The following FAM171A1 variants were observed in gnomAD, a reference collection of about 807,000 sequenced individuals.
FAM171A1 encodes family with sequence similarity 171 member A1, also known as protein FAM171A1.
In FAM171A1, 23 loss-of-function variants were observed where a neutral mutation model predicts 74.9. That is an observed-to-expected ratio of 0.31 (90% CI 0.22 to 0.44). FAM171A1 has a LOEUF of 0.44. FAM171A1 is among the 20% of genes least tolerant of loss of function. FAM171A1 has a pLI of 1.00. For missense variants in FAM171A1, 1,162 were observed against 1,159.2 expected (o/e 1.00, Z -0.03); for synonymous variants, 527 against 505.7 (o/e 1.04, Z -0.57).
intron 3 of FAM171A1, among the ~76,000 whole-genome samples, chr10:15,275,125 A>G (rs1001278896): frequency 6.6e-6 from 1 of 152,094 alleles, no homozygotes. Context: ...GTGGGGAGGG[A>G]TAGCATTAGG....
At chr10:15,364,560 G>C (rs1836036203) in intron 1 of FAM171A1, among the ~76,000 whole-genome samples, 1 of 152,202 alleles carries the variant, frequency 6.6e-6, no homozygotes, top group South Asian at 2.1e-4. Flanking sequence ...TAGGGTCTGT[G>C]TTAGTTCCCT....
chr10:15,219,126 A>G (rs1834003829), intron 6 of FAM171A1, among the ~76,000 whole-genome samples: 1 of 152,144 alleles, frequency 6.6e-6, no homozygotes, highest in Non-Finnish European at 1.5e-5. Flanking sequence ...CCACTAAAAT[A>G]CAAAAATTAG....
chr10:15,290,482 C>T (rs1835090064), intron 1 of FAM171A1, among the ~76,000 whole-genome samples: 1 of 152,180 alleles, frequency 6.6e-6, no homozygotes. Context: ...CCCTGAAGCT[C>T]TCCAGACACA....
At chr10:15,215,007 C>T (rs982134095) in intron 7 of FAM171A1, among the ~76,000 whole-genome samples, 2 of 151,824 alleles carry the variant, frequency 1.3e-5, no homozygotes, top group African/African-American at 2.4e-5. Context: ...AGCAATCCTC[C>T]CCCTTCAGCC....
intron 1 of FAM171A1, among the ~76,000 whole-genome samples, chr10:15,353,942 C>T (rs1183280929): frequency 6.6e-6 from 1 of 152,220 alleles, no homozygotes; most frequent in Non-Finnish European, 1.5e-5. Context: ...TTCAATCAGG[C>T]CGTGGGCATG....
At chr10:15,230,142 C>A (rs571859348) in intron 5 of FAM171A1, among the ~76,000 whole-genome samples, 7 of 152,274 alleles carry the variant, frequency 4.6e-5, no homozygotes, top group Middle Eastern at 3.4e-3. Flanking sequence ...ACATTAAAAT[C>A]AAATAAAAAG....
chr10:15,285,698 G>A (rs1021240007), intron 1 of FAM171A1, among the ~76,000 whole-genome samples: 2 of 152,196 alleles, frequency 1.3e-5, no homozygotes, highest in Non-Finnish European at 2.9e-5. Context: ...CATGCTTTTT[G>A]AGCTGCCTCT....
intron 5 of FAM171A1, among the ~76,000 whole-genome samples, chr10:15,229,691 CA>C (rs1413479497): frequency 2.1e-4 from 29 of 139,316 alleles, no homozygotes; most frequent in Non-Finnish European, 3.2e-4. Flanking sequence ...TCACCATCAC[CA>C]CCATCACCAT....
intron 2 of FAM171A1, among the ~76,000 whole-genome samples, chr10:15,279,522 T>C (rs1159491334): frequency 6.6e-6 from 1 of 151,614 alleles, no homozygotes; most frequent in Non-Finnish European, 1.5e-5. Flanking sequence ...CAAGTAGATT[T>C]TTTTTTTTTG....
chr10:15,241,623 G>A (rs1834365541), intron 5 of FAM171A1: 1 of 152,006 alleles, frequency 6.6e-6, no homozygotes, highest in Non-Finnish European at 1.5e-5. Flanking sequence ...ACGTACAGTT[G>A]AAAAACAAAA....
chr10:15,352,196 G>T (rs774005887), intron 1 of FAM171A1, among the ~76,000 whole-genome samples: 6 of 151,798 alleles, frequency 4.0e-5, no homozygotes, highest in Non-Finnish European at 8.8e-5. Flanking sequence ...CCGAAATCAC[G>T]CCACTGCACT....
chr10:15,362,420 T>C (rs1003525433), intron 1 of FAM171A1, among the ~76,000 whole-genome samples: 12 of 152,332 alleles, frequency 7.9e-5, no homozygotes, highest in African/African-American at 2.4e-4. Context: ...GAAATCAACA[T>C]TACTGGCCGC....
intron 1 of FAM171A1, among the ~76,000 whole-genome samples, chr10:15,366,087 T>C (rs7898130): frequency 0.025 from 3,797 of 152,302 alleles, 156 homozygotes; most frequent in African/African-American, 0.087. Context: ...AGTTATTTCA[T>C]ACAATTCTTT....
At chr10:15,370,778 C>G (rs1286790199) in intron 1 of FAM171A1, among the ~76,000 whole-genome samples, 178 bp downstream of exon 1, 2 of 148,568 alleles carry the variant, frequency 1.3e-5, no homozygotes, top group African/African-American at 5.0e-5. Flanking sequence ...CGTCGCCGGC[C>G]CGCGCCGCCC....
intron 1 of FAM171A1, among the ~76,000 whole-genome samples, chr10:15,338,468 C>T (rs777941560): frequency 6.6e-6 from 1 of 152,278 alleles, no homozygotes; most frequent in East Asian, 1.9e-4. Flanking sequence ...TTTGTTTTGA[C>T]AACTTTTACC....
chr10:15,283,706 T>C (rs1359892524), intron 2 of FAM171A1, among the ~76,000 whole-genome samples, 172 bp downstream of exon 2: 4 of 152,160 alleles, frequency 2.6e-5, no homozygotes, highest in Non-Finnish European at 4.4e-5. Context: ...CACCTCAACC[T>C]CTTGAGTAGC....
At chr10:15,285,212 C>G (rs1477223998) in intron 1 of FAM171A1, among the ~76,000 whole-genome samples, 2 of 152,084 alleles carry the variant, frequency 1.3e-5, no homozygotes, top group Non-Finnish European at 2.9e-5. Flanking sequence ...GGCTTAGAGG[C>G]AGGAAGACGC....
chr10:15,368,754 G>A (rs1230244844), intron 1 of FAM171A1, among the ~76,000 whole-genome samples: 2 of 152,206 alleles, frequency 1.3e-5, no homozygotes, highest in Admixed American at 6.5e-5. Flanking sequence ...TCGTGTACAT[G>A]ATCCAGGAAA....
chr10:15,266,079 C>A (rs777842775), intron 3 of FAM171A1, among the ~76,000 whole-genome samples: 1 of 152,160 alleles, frequency 6.6e-6, no homozygotes, highest in Non-Finnish European at 1.5e-5. Context: ...GTGGGACCCA[C>A]GGACGCCGTC....
Sources: allele counts gnomAD v4.1 joint callset (sites outside exome capture counted in the v4.1 genomes callset), GRCh38; gene constraint gnomAD v4.1.1; transcripts MANE v1.5; gene names NCBI Gene and HGNC (gene_info 2026-07-23, HGNC 2026-07-21).